The following PI4KA variants were observed in gnomAD, a reference collection of about 807,000 sequenced individuals.
PI4KA encodes the protein PI4-kinase alpha.
PI4KA carries 122 observed loss-of-function variants against 271.4 expected under a neutral mutation model. The ratio of observed to expected loss-of-function variants is 0.45; its 90% CI spans 0.39 to 0.52. The LOEUF (loss-of-function observed/expected upper bound fraction) is 0.52. PI4KA is among the 20% of genes least tolerant of loss of function. The pLI is 0.00. For synonymous variants in PI4KA, 1,041 were observed against 1,078.8 expected (o/e 0.96, Z 0.69); for missense variants, 1,969 against 2,769.1 (o/e 0.71, Z 6.48).
rs1446041664 is a variant in PI4KA, at chr22:20,710,371, G to A, written c.6083+328C>T. On this transcript the variant is annotated intron_variant, in intron 52 of 54. Transcript: ENST00000255882. ...GGCCAAGTGACCTGTATATGAAACT[G>A]GGACAAAGCCCATCTTTGGCACGTA... is the stretch of plus-strand genomic sequence containing the variant. 4.5e-5 allele frequency: 24 copies of A among 534,094 alleles called. No homozygotes were observed. The East Asian group carries it at 8.1e-4, about 18-fold the overall frequency. 33.1% of individuals were successfully genotyped at this position (534,094 alleles called of 1,614,324 possible).
At chr22:20,743,022 C>T in intron 30 of PI4KA, 1 of 510,926 alleles carries the variant, frequency 2.0e-6, no homozygotes, top group South Asian at 2.4e-5. Flanking sequence ...GGGTGGGAAC[C>T]TTGTCCCTCA....
intron 1 of PI4KA, among the ~76,000 whole-genome samples, chr22:20,856,644 G>C (rs1447212642): frequency 3.3e-5 from 5 of 152,086 alleles, no homozygotes; most frequent in Non-Finnish European, 2.9e-5. Context: ...ATGTTGGCCA[G>C]GCTGGTCTCA....
At chr22:20,779,546 C>A in intron 19 of PI4KA, 1 of 1,614,076 alleles carries the variant, frequency 6.2e-7, no homozygotes, top group Non-Finnish European at 8.5e-7. Flanking sequence ...AGGACGACGA[C>A]TATCTGGACC....
intron 19 of PI4KA, among the ~76,000 whole-genome samples, chr22:20,782,606 A>G (rs1933883147): frequency 6.6e-6 from 1 of 152,238 alleles, no homozygotes; most frequent in Non-Finnish European, 1.5e-5. Flanking sequence ...CCCAAGAGAC[A>G]TGGGACAGCT....
chr22:20,848,234 T>C (rs8139358), intron 1 of PI4KA, among the ~76,000 whole-genome samples: 7,115 of 112,488 alleles, frequency 0.063, 641 homozygotes, highest in African/African-American at 0.23. Context: ...CGAGACTCCA[T>C]CTCAAAAAAA....
intron 19 of PI4KA, among the ~76,000 whole-genome samples, chr22:20,769,099 G>A (rs762485527): frequency 5.9e-5 from 9 of 152,322 alleles, no homozygotes; most frequent in South Asian, 2.1e-4. Context: ...AAAGGGTTGC[G>A]CTTCTAGAAT....
chr22:20,742,960 A>G, intron 30 of PI4KA, 196 bp from the exon 31 acceptor site: 2 of 575,074 alleles, frequency 3.5e-6, no homozygotes, highest in East Asian at 2.9e-5. Flanking sequence ...TTTAAAGAAC[A>G]GCTCCTCTAG....
At chr22:20,823,645 A>C (rs1922996845) in intron 4 of PI4KA, among the ~76,000 whole-genome samples, 1 of 152,198 alleles carries the variant, frequency 6.6e-6, no homozygotes. Flanking sequence ...GCTACCTAGA[A>C]GATTCTCTTC....
intron 3 of PI4KA, among the ~76,000 whole-genome samples, chr22:20,833,916 C>T: frequency 6.6e-6 from 1 of 152,020 alleles, no homozygotes; most frequent in East Asian, 1.9e-4. Flanking sequence ...CCTCGGCCTC[C>T]CAAAGTGCTG....
intron 19 of PI4KA, chr22:20,787,417 C>T: frequency 2.7e-6 from 1 of 364,494 alleles, no homozygotes; most frequent in Non-Finnish European, 5.3e-6. Context: ...TCACTCAAGC[C>T]TTTCTCCACC....
intron 5 of PI4KA, 116 bp from the exon 6 acceptor site, chr22:20,820,016 A>G: frequency 1.1e-6 from 1 of 926,658 alleles, no homozygotes; most frequent in South Asian, 1.6e-5. Flanking sequence ...AATAACTGTG[A>G]AGGTTCACAA....
At chr22:20,799,853 A>C in intron 14 of PI4KA, 87 bp from the exon 15 acceptor site, 1 of 760,820 alleles carries the variant, frequency 1.3e-6, no homozygotes, top group East Asian at 2.8e-5. Flanking sequence ...TTAGGCCTAC[A>C]AAGTTTAAAG....
At chr22:20,782,167 C>G (rs5760531) in intron 19 of PI4KA, among the ~76,000 whole-genome samples, 10,438 of 152,246 alleles carry the variant, frequency 0.069, 352 homozygotes, top group East Asian at 0.079. Context: ...CCCCCAAGTA[C>G]ACCAAAGAGC....
chr22:20,834,231 T>C (rs1924575492), intron 3 of PI4KA, among the ~76,000 whole-genome samples: 1 of 151,982 alleles, frequency 6.6e-6, no homozygotes, highest in Admixed American at 6.6e-5. Context: ...ATTCTAAGGG[T>C]AACAGTGACT....
chr22:20,834,449 C>T (rs1371453703), intron 3 of PI4KA, 113 bp downstream of exon 3: 4 of 733,666 alleles, frequency 5.5e-6, no homozygotes, highest in Non-Finnish European at 9.7e-6. Flanking sequence ...GTTTCCCAGC[C>T]AGGAGGGAGA....
chr22:20,726,627 C>A, intron 41 of PI4KA, 86 bp from the exon 42 acceptor site: 2 of 1,219,010 alleles, frequency 1.6e-6, no homozygotes, highest in South Asian at 3.0e-5. Context: ...TGCTTCTGCT[C>A]TGCCCACAGC....
At chr22:20,786,745 C>A in intron 19 of PI4KA, 1 of 948,614 alleles carries the variant, frequency 1.1e-6, no homozygotes, top group Non-Finnish European at 1.7e-6. Flanking sequence ...AAGAGTGACT[C>A]TGACCAGCTG....
chr22:20,759,218 AT>A (rs1193841561), intron 23 of PI4KA, among the ~76,000 whole-genome samples: 1 of 151,696 alleles, frequency 6.6e-6, no homozygotes, highest in Non-Finnish European at 1.5e-5. Context: ...AGCTAATTAT[AT>A]TTTTTGTACA....
In PI4KA at chr22:20,765,096, T is replaced by C; in HGVS notation, c.2574+4A>G. The C allele has an allele frequency of 1.2e-6, 2 of 1,611,474 alleles. No homozygotes were observed. The highest frequency in any genetic ancestry group is 2.2e-5 in the East Asian group (1 of 44,830). On this transcript the variant is annotated splice_donor_region_variant and intron_variant, in intron 21 of 54. Coordinates refer to ENST00000255882, the MANE Select transcript of PI4KA (RefSeq NM_058004.4). ...CATGGTAAAAATGAGATGTGAATCC[T>C]TACGGGGGTGACCGTGTCATTCTTC...
Sources: gnomAD v4.1 joint callset for allele counts (sites outside exome capture counted in the v4.1 genomes callset) on GRCh38, gnomAD v4.1.1 for gene constraint, MANE v1.5 for transcripts, NCBI Gene and HGNC (gene_info 2026-07-23, HGNC 2026-07-21) for gene names.